Variants in COL19A1 observed in about 807,000 individuals in gnomAD.
COL19A1 encodes collagen type XIX alpha 1 chain.
A neutral mutation model predicts 190.2 loss-of-function variants in COL19A1; 159 were observed. The ratio of observed to expected loss-of-function variants is 0.84; its 90% CI spans 0.73 to 0.95. COL19A1 has a LOEUF of 0.95. Among genes scored for constraint, COL19A1 ranks in the 40% least tolerant of loss-of-function variants. The pLI is 0.00. For synonymous variants in COL19A1, 509 were observed against 458.9 expected (o/e 1.11, Z -1.39); for missense variants, 1,418 against 1,431.9 (o/e 0.99, Z 0.16).
chr6:69,910,545 C>G (rs570377515), intron 4 of COL19A1, among the ~76,000 whole-genome samples: 2 of 152,198 alleles, frequency 1.3e-5, no homozygotes, highest in East Asian at 3.9e-4. Flanking sequence ...GAGGTACTAG[C>G]TAAATGTACT....
At chr6:70,104,318 G>A (rs1783818702) in intron 16 of COL19A1, among the ~76,000 whole-genome samples, 1 of 152,132 alleles carries the variant, frequency 6.6e-6, no homozygotes, top group Non-Finnish European at 1.5e-5. Context: ...TGACTGGGAA[G>A]GTCTCAGGAA....
chr6:69,970,679 G>A (rs774611302), intron 11 of COL19A1, among the ~76,000 whole-genome samples: 13 of 152,030 alleles, frequency 8.6e-5, no homozygotes, highest in Non-Finnish European at 1.8e-4. Context: ...CTTACTTCCC[G>A]TGAATTCTGT....
At chr6:70,108,768 C>A (rs916291456) in intron 16 of COL19A1, among the ~76,000 whole-genome samples, 1 of 152,076 alleles carries the variant, frequency 6.6e-6, no homozygotes, top group Admixed American at 6.6e-5. Context: ...TCCAACAAAA[C>A]ATATGCTTCT....
intron 1 of COL19A1, among the ~76,000 whole-genome samples, chr6:69,870,784 A>G (rs1767777404): frequency 6.6e-6 from 1 of 152,214 alleles, no homozygotes; most frequent in Non-Finnish European, 1.5e-5. Flanking sequence ...TCCAGTTAGG[A>G]GTCTATTGCA....
At chr6:70,110,991 G>C (rs77666373) in intron 16 of COL19A1, among the ~76,000 whole-genome samples, 5,843 of 152,198 alleles carry the variant, frequency 0.038, 149 homozygotes, top group Non-Finnish European at 0.06. Flanking sequence ...TCATTTCTTT[G>C]TGTTGGGTAA....
chr6:70,106,112 C>CG (rs1347812559), intron 16 of COL19A1, among the ~76,000 whole-genome samples: 1 of 151,942 alleles, frequency 6.6e-6, no homozygotes, highest in Non-Finnish European at 1.5e-5. Context: ...TGTTGTTATT[C>CG]GGGGGAGTGT....
intron 12 of COL19A1, among the ~76,000 whole-genome samples, chr6:70,024,394 CACTT>C (rs1490099235): frequency 2.0e-5 from 3 of 152,100 alleles, no homozygotes; most frequent in African/African-American, 7.2e-5. Context: ...TTCCTTTTCT[CACTT>C]ACATAAATAT....
chr6:69,968,354 A>G lies in COL19A1; in HGVS notation c.1026+5484A>G, dbSNP rs538410638. ...CAGCATTAAAAATATATCAGCAATT[A>G]TGATATGTCTCATATAGTCCTAGGC... On this transcript the variant is annotated intron_variant, in intron 11 of 50. Coordinates refer to ENST00000620364, the MANE Select transcript of COL19A1 (RefSeq NM_001858.6). Among the ~76,000 whole-genome samples the G allele has an allele frequency of 1.6e-4, 24 of 152,310 alleles. No individual in the cohort carries two copies. The South Asian group carries it at 4.1e-3, about 26-fold the overall frequency.
At chr6:69,959,098 TATG>T (rs1375535488) in intron 9 of COL19A1, among the ~76,000 whole-genome samples, 1 of 152,182 alleles carries the variant, frequency 6.6e-6, no homozygotes, top group Non-Finnish European at 1.5e-5. Context: ...CTATTGAGAA[TATG>T]CACATCCTCT....
intron 15 of COL19A1, among the ~76,000 whole-genome samples, chr6:70,076,780 A>T (rs1315712743): frequency 6.6e-6 from 1 of 152,228 alleles, no homozygotes; most frequent in Non-Finnish European, 1.5e-5. Flanking sequence ...TTACCTACTT[A>T]GCCACAGAAA....
intron 12 of COL19A1, among the ~76,000 whole-genome samples, chr6:70,025,837 G>A (rs1228147706): frequency 2.0e-5 from 3 of 152,216 alleles, no homozygotes; most frequent in African/African-American, 7.2e-5. Flanking sequence ...TAACAGATGT[G>A]GAAGGGAAGA....
intron 13 of COL19A1, among the ~76,000 whole-genome samples, chr6:70,034,840 T>C (rs1341421772): frequency 6.6e-6 from 1 of 152,224 alleles, no homozygotes; most frequent in Non-Finnish European, 1.5e-5. Context: ...AAATTGTATG[T>C]ATATGTGTTT....
intron 11 of COL19A1, among the ~76,000 whole-genome samples, chr6:69,975,568 A>G (rs1286926004): frequency 6.6e-6 from 1 of 152,202 alleles, no homozygotes; most frequent in Non-Finnish European, 1.5e-5. Flanking sequence ...GAGTCACAAT[A>G]TAAGCATTTA....
At chr6:69,961,850 A>G (rs1378168641) in intron 10 of COL19A1, among the ~76,000 whole-genome samples, 1 of 152,184 alleles carries the variant, frequency 6.6e-6, no homozygotes, top group Non-Finnish European at 1.5e-5. Context: ...ATGTATGTAT[A>G]CATGCATGCA....
chr6:70,083,083 A>G (rs892966967), intron 15 of COL19A1, among the ~76,000 whole-genome samples: 1 of 152,326 alleles, frequency 6.6e-6, no homozygotes, highest in East Asian at 1.9e-4. Context: ...CCCCTGCCCT[A>G]TAAGAAATGT....
chr6:69,999,600 A>G (rs1582647200), intron 11 of COL19A1, among the ~76,000 whole-genome samples: 1 of 152,164 alleles, frequency 6.6e-6, no homozygotes, highest in Admixed American at 6.5e-5. Context: ...ATAACAGACA[A>G]TAATTTGAAT....
At chr6:70,173,415 G>A (rs1765613550) in intron 41 of COL19A1, among the ~76,000 whole-genome samples, 1 of 152,166 alleles carries the variant, frequency 6.6e-6, no homozygotes, top group Non-Finnish European at 1.5e-5. Flanking sequence ...ATCAAGAAAA[G>A]GAGCAAAGAG....
chr6:70,172,781 C>T (rs1306728853), intron 41 of COL19A1, among the ~76,000 whole-genome samples: 1 of 152,206 alleles, frequency 6.6e-6, no homozygotes, highest in Admixed American at 6.5e-5. Flanking sequence ...AGGCCTTTAT[C>T]TTTCAATCTT....
At chr6:69,921,173 GTATC>G (rs1771737194) in intron 4 of COL19A1, among the ~76,000 whole-genome samples, 1 of 124,124 alleles carries the variant, frequency 8.1e-6, no homozygotes, top group East Asian at 2.2e-4. Context: ...ATTCATATAC[GTATC>G]ACATATATTC....
Sources: allele counts gnomAD v4.1 joint callset (sites outside exome capture counted in the v4.1 genomes callset), GRCh38; gene constraint gnomAD v4.1.1; transcripts MANE v1.5; gene names NCBI Gene and HGNC (gene_info 2026-07-23, HGNC 2026-07-21).